The following ACAT1 variants were observed in gnomAD, a reference collection of about 807,000 sequenced individuals.
ACAT1 encodes the protein acetyl-CoA acetyltransferase 1, also known as acetyl-CoA acetyltransferase, mitochondrial.
Under a neutral mutation model 47.3 loss-of-function variants are expected in ACAT1, and 28 were observed. That is an observed-to-expected ratio of 0.59 (90% CI 0.44 to 0.81). ACAT1 has a LOEUF of 0.81. Among genes scored for constraint, ACAT1 ranks in the 30% least tolerant of loss-of-function variants. The pLI is 0.00. For synonymous variants in ACAT1, 181 were observed against 173.6 expected, an observed-to-expected ratio of 1.04 and a Z score of -0.34; for missense variants, 469 against 524.3, an observed-to-expected ratio of 0.89 and a Z score of 1.03.
intron 1 of ACAT1, among the ~76,000 whole-genome samples, chr11:108,126,773 C>T (rs980875064): frequency 9.4e-5 from 14 of 149,462 alleles, no homozygotes; most frequent in African/African-American, 2.7e-4. Context: ...CTGAGAATAC[C>T]GGCAACAAAC....
At chr11:108,123,141 A>C (rs539931871) in intron 1 of ACAT1, among the ~76,000 whole-genome samples, 1 of 152,268 alleles carries the variant, frequency 6.6e-6, no homozygotes, top group South Asian at 2.1e-4. Context: ...AGGCTGAGGC[A>C]GGAGAATCGC....
At chr11:108,121,323 G>A (rs867769316), upstream of ACAT1, 2 of 559,072 alleles carry the variant, frequency 3.6e-6, no homozygotes, top group South Asian at 2.0e-5. Flanking sequence ...CGGCAGGTTA[G>A]ACTTGGTGGA....
intron 1 of ACAT1, among the ~76,000 whole-genome samples, chr11:108,130,702 A>G (rs1374280262): frequency 6.6e-6 from 1 of 151,634 alleles, no homozygotes; most frequent in Admixed American, 6.6e-5. Flanking sequence ...CTGATAGTCT[A>G]ATTTCAGATC....
intron 1 of ACAT1, 95 bp from the exon 2 acceptor site, chr11:108,131,812 C>G (rs1029259509): frequency 8.1e-6 from 4 of 495,924 alleles, no homozygotes; most frequent in Non-Finnish European, 1.3e-5. Context: ...CATAAGGATG[C>G]AGGAAGAAAC....
At chr11:108,146,906 CCT>C (rs1366278996) in intron 11 of ACAT1, among the ~76,000 whole-genome samples, 2 of 152,196 alleles carry the variant, frequency 1.3e-5, no homozygotes, top group Admixed American at 6.5e-5. Context: ...ATGGCGAAAC[CCT>C]GTCTCTACTA....
rs1380996307 is a variant in ACAT1, at chr11:108,144,055, C to T, written c.1005+8C>T. 7.1e-7 allele frequency: 1 copy of T among 1,416,028 alleles called. No homozygotes were observed. The highest frequency in any genetic ancestry group is 9.5e-7 in the Non-Finnish European group (1 of 1,056,092). 87.7% of individuals were successfully genotyped at this position (1,416,028 alleles called of 1,614,324 possible). On this transcript the variant is annotated splice_region_variant and intron_variant, in intron 10 of 11. Transcript: ENST00000265838. ...GTATATGCTGCATCTATGGTGAGAA[C>T]AAAGTGAGGGGCGATACTCCATTAT... is the stretch of plus-strand genomic sequence containing the variant.
At chr11:108,137,806 G>A (rs533980665) in intron 5 of ACAT1, among the ~76,000 whole-genome samples, 1 of 151,962 alleles carries the variant, frequency 6.6e-6, no homozygotes, top group African/African-American at 2.4e-5. Flanking sequence ...AATTAGCTGG[G>A]TGTGATGGTG....
rs1381111753 is a variant in ACAT1 at position 108,135,001 on chromosome 11, T to G, written c.335-141T>G. The G allele has an allele frequency of 2.8e-5, 17 of 609,626 alleles. No homozygotes were observed. In the Admixed American group the frequency reaches 3.0e-4, roughly 11 times the overall value. The allele number at this position is 609,626 out of a possible 1,614,324, so 37.8% of individuals were successfully genotyped here. On this transcript the variant is annotated intron_variant, in intron 4 of 11. Transcript: ENST00000265838. Reference sequence around the variant, plus strand: ...ATGGCAAAATGAAGGTTATTTAAGCTTAAATGAAATATTAAATGCATGATA... The same window carrying G: ...ATGGCAAAATGAAGGTTATTTAAGCGTAAATGAAATATTAAATGCATGATA...
chr11:108,130,965 C>T (rs1164204010), intron 1 of ACAT1, among the ~76,000 whole-genome samples: 1 of 152,172 alleles, frequency 6.6e-6, no homozygotes, highest in East Asian at 1.9e-4. Flanking sequence ...GTTGGCCAGG[C>T]TGATCTCTAA....
Position 108,141,657 on chromosome 11 carries a change from T to G in ACAT1, c.783T>G (p.Phe261Leu). Reference protein sequence around the residue: ...KEDEEYKRVDFSKVPKLKTVF... With the variant: ...KEDEEYKRVDLSKVPKLKTVF... ...ATGAAGAATATAAACGTGTTGATTT[T>G]AGCAAAGTTCCAAAGCTGAAGACAG... The change falls in exon 8 of 12, where the codon TTT (phenylalanine) becomes TTG (leucine). Residue 261 changes from phenylalanine (F) to leucine (L), a missense_variant. Phe to Leu is a conservative substitution (Grantham distance 22, BLOSUM62 0). Transcript: ENST00000265838. The G allele has an allele frequency of 6.2e-7, 1 of 1,613,704 alleles. No homozygotes were observed. Among genetic ancestry groups the G allele is most frequent in the Non-Finnish European group, 8.5e-7 (1 of 1,179,876 alleles).
intron 5 of ACAT1, among the ~76,000 whole-genome samples, chr11:108,138,089 C>T (rs868317928): frequency 7.7e-5 from 11 of 141,946 alleles, no homozygotes; most frequent in Non-Finnish European, 1.2e-4. Flanking sequence ...CCCAGGTTCA[C>T]GCCATTCTCT....
rs2077743283 is a variant in ACAT1 at position 108,147,414 on chromosome 11, CAA to C, written c.*25_*26del. On this transcript the variant is annotated 3_prime_UTR_variant, in exon 12 of 12. Coordinates refer to ENST00000265838, the MANE Select transcript of ACAT1 (RefSeq NM_000019.4). The stretch of plus-strand genomic sequence containing the variant: ...AGACAACCTCTGCTATTTAAGGAGA[CAA>C]CCCTATGTGACCAGAAGGCCTGCTG... 6.2e-7 allele frequency: 1 copy of C among 1,612,142 alleles called. No individual in the cohort carries two copies. The highest frequency in any genetic ancestry group is 1.7e-5 in the Admixed American group (1 of 59,946).
chr11:108,139,099 C>CT (rs1296647429), intron 6 of ACAT1, 58 bp downstream of exon 6: 4 of 1,599,452 alleles, frequency 2.5e-6, no homozygotes, highest in Non-Finnish European at 2.6e-6. Flanking sequence ...TTTGATTTTT[C>CT]TTACTCTATG....
chr11:108,146,098 A>G, intron 10 of ACAT1, 104 bp from the exon 11 acceptor site: 1 of 1,070,604 alleles, frequency 9.3e-7, no homozygotes, highest in Non-Finnish European at 1.4e-6. Flanking sequence ...AAGAACTTCC[A>G]TATTTAAATA....
upstream of ACAT1, among the ~76,000 whole-genome samples, chr11:108,117,518 G>A (rs1280428467): frequency 2.6e-5 from 4 of 151,818 alleles, no homozygotes; most frequent in African/African-American, 4.8e-5. Flanking sequence ...CATGTTAGCC[G>A]GGCTGGTCTG....
At chr11:108,126,363 T>C (rs1218309883) in intron 1 of ACAT1, among the ~76,000 whole-genome samples, 2 of 152,132 alleles carry the variant, frequency 1.3e-5, no homozygotes, top group Non-Finnish European at 1.5e-5. Context: ...GGATAGGGTT[T>C]AGAACAAAGA....
Position 108,133,873 on chromosome 11 carries a change from C to A in ACAT1, c.174C>A (p.Ser58Arg), listed in dbSNP as rs147018814. The part of the protein sequence containing the change: ...TRTPIGSFLG[S>R]LSLLPATKLG... Reference sequence around the variant, plus strand: ...CACCCATTGGATCTTTTTTAGGCAGCCTTTCCTTGCTGCCAGCCACTAAGC... The same window carrying A: ...CACCCATTGGATCTTTTTTAGGCAGACTTTCCTTGCTGCCAGCCACTAAGC... Residue 58 changes from serine to arginine, a missense_variant, in exon 3 of 12, where the codon AGC (serine) becomes AGA (arginine). Coordinates refer to ENST00000265838, the MANE Select transcript of ACAT1 (RefSeq NM_000019.4). 6.8e-6 allele frequency: 11 copies of A among 1,614,074 alleles called. No individual in the cohort carries two copies. The highest frequency in any genetic ancestry group is 9.3e-6 in the Non-Finnish European group (11 of 1,180,008).
chr11:108,135,023 G>A, intron 4 of ACAT1, 119 bp from the exon 5 acceptor site: 1 of 625,774 alleles, frequency 1.6e-6, no homozygotes. Context: ...TTAAATGCAT[G>A]ATATAATTTG....
At position 108,143,935 on chromosome 11, in the gene ACAT1, T is replaced by TG. The variant is rs768505178; in HGVS notation, c.941-48_941-47insG. ...CTTGGCTTGTGCATATTCTATACAG[T>TG]AAAAAAAAAAAGATTTTAACAACCC... is the stretch of plus-strand genomic sequence containing the variant. On this transcript the variant is annotated intron_variant, in intron 9 of 11. Coordinates refer to ENST00000265838, the MANE Select transcript of ACAT1 (RefSeq NM_000019.4). 1,688 of 789,408 alleles carry TG rather than the reference T, an allele frequency of 2.1e-3. 5 individuals carry two copies. Among genetic ancestry groups the TG allele is most frequent in the Non-Finnish European group, 2.9e-3 (1,493 of 506,412 alleles). 48.9% of individuals were successfully genotyped at this position (789,408 alleles called of 1,614,324 possible).
Sources: gnomAD v4.1 joint callset for allele counts (sites outside exome capture counted in the v4.1 genomes callset) on GRCh38, gnomAD v4.1.1 for gene constraint, MANE v1.5 for transcripts, NCBI Gene and HGNC (gene_info 2026-07-23, HGNC 2026-07-21) for gene names.